Variants in CRISPLD1 observed in about 807,000 individuals in gnomAD.
The protein encoded by CRISPLD1 is cysteine rich secretory protein LCCL domain containing 1.
Under a neutral mutation model 77.5 loss-of-function variants are expected in CRISPLD1, and 60 were observed. The observed-to-expected ratio is 0.77, with a 90% CI of 0.63 to 0.96. The LOEUF is 0.96. Ranked by LOEUF, CRISPLD1 falls within the 40% of genes least tolerant of loss-of-function variation. The probability of loss-of-function intolerance (pLI) is 0.00; values close to 1 mark genes in which losing one functional copy is unlikely to be tolerated. For synonymous variants in CRISPLD1, 195 were observed against 200.1 expected, an observed-to-expected ratio of 0.97 and a Z score of 0.22; for missense variants, 623 against 615.8, an observed-to-expected ratio of 1.01 and a Z score of -0.12.
At chr8:75,025,823 A>T (rs972317368) in intron 13 of CRISPLD1, among the ~76,000 whole-genome samples, 1 of 152,078 alleles carries the variant, frequency 6.6e-6, no homozygotes, top group Non-Finnish European at 1.5e-5. Flanking sequence ...ATTTGACAAA[A>T]TTTTTCTTCA....
chr8:75,000,140 A>G (rs1812713886), intron 2 of CRISPLD1: 2 of 984,952 alleles, frequency 2.0e-6, no homozygotes, highest in South Asian at 4.7e-5. Context: ...CTCAAACAAT[A>G]CAAAGTAACC....
At chr8:74,985,873 A>G in intron 1 of CRISPLD1, 53 bp from the exon 2 acceptor site, 1 of 1,230,972 alleles carries the variant, frequency 8.1e-7, no homozygotes, top group Non-Finnish European at 1.1e-6. Context: ...GTGTTATTAG[A>G]AAATTCATAT....
At chr8:74,990,814 T>C (rs1297476477) in intron 2 of CRISPLD1, among the ~76,000 whole-genome samples, 1 of 151,894 alleles carries the variant, frequency 6.6e-6, no homozygotes, top group East Asian at 1.9e-4. Context: ...ATCGTTAACT[T>C]TTTACCATAC....
At chr8:75,004,668 C>T (rs1054006134) in intron 2 of CRISPLD1, among the ~76,000 whole-genome samples, 6 of 151,838 alleles carry the variant, frequency 4.0e-5, no homozygotes, top group Non-Finnish European at 5.9e-5. Context: ...GGGGAGGGAT[C>T]GAAATAAGAT....
chr8:75,019,734 T>A (rs952060818), intron 10 of CRISPLD1, 136 bp from the exon 11 acceptor site: 22 of 659,638 alleles, frequency 3.3e-5, no homozygotes, highest in South Asian at 1.5e-4. Context: ...TGATGTATTC[T>A]TATATTGCTA....
intron 2 of CRISPLD1, among the ~76,000 whole-genome samples, chr8:75,002,143 G>A (rs7006368): frequency 6.6e-6 from 1 of 151,748 alleles, no homozygotes; most frequent in African/African-American, 2.4e-5. Context: ...TGTAATTCAT[G>A]TTGTCTTAAA....
At position 75,019,804 on chromosome 8, in the gene CRISPLD1, C is replaced by T. The variant is rs192846152; in HGVS notation, c.1128-66C>T. 10 of 1,280,772 alleles carry T rather than the reference C, an allele frequency of 7.8e-6. No individual in the cohort carries two copies. The East Asian group carries it at 2.3e-4, about 30-fold the overall frequency. 79.3% of individuals were successfully genotyped at this position (1,280,772 alleles called of 1,614,324 possible). ...TAAGTGTTCATAGACTTGAAAGATA[C>T]CAGAAATGATGCTGCTGCTGATGCC... On this transcript the variant is annotated intron_variant, in intron 10 of 14. Transcript: ENST00000262207.
rs1046994798 is a variant in CRISPLD1 at position 75,030,820 on chromosome 8, GTA to G, written c.1451+1309_1451+1310del. On this transcript the variant is annotated intron_variant, in intron 14 of 14. Transcript: ENST00000262207. ...TGAGTATGCATATGTGTATGTGTAT[GTA>G]TATATGTGTTTCTGTGTATATATGT... Among the ~76,000 whole-genome samples the G allele has an allele frequency of 6.6e-5, 10 of 150,994 alleles. No individual in the cohort carries two copies. In the East Asian group the frequency reaches 9.7e-4, roughly 15 times the overall value.
At chr8:75,006,320 C>G (rs1443469784) in intron 2 of CRISPLD1, among the ~76,000 whole-genome samples, 1 of 152,108 alleles carries the variant, frequency 6.6e-6, no homozygotes, top group African/African-American at 2.4e-5. Context: ...CTTGGAAGTC[C>G]ATTAAGGCTA....
intron 2 of CRISPLD1, among the ~76,000 whole-genome samples, chr8:74,990,647 CA>C (rs1563606369): frequency 1.3e-5 from 2 of 151,894 alleles, no homozygotes; most frequent in African/African-American, 4.8e-5. Flanking sequence ...TATAATACTG[CA>C]CACTGCAAGT....
At chr8:74,990,000 CAGAA>C (rs2128780672) in intron 2 of CRISPLD1, among the ~76,000 whole-genome samples, 1 of 152,204 alleles carries the variant, frequency 6.6e-6, no homozygotes, top group Non-Finnish European at 1.5e-5. Flanking sequence ...CACTCAGAAA[CAGAA>C]AGTCAAATCT....
chr8:74,985,995 G>A lies in CRISPLD1; in HGVS notation c.8G>A (p.Cys3Tyr). The A allele has an allele frequency of 6.2e-7, 1 of 1,613,526 alleles. No individual in the cohort carries two copies. Among genetic ancestry groups the A allele is most frequent in the Non-Finnish European group, 8.5e-7 (1 of 1,179,532 alleles). ...ATCCTGAGGTCATTCATTATGAAGTGTACCGCGCGGGAGTGGCTCAGAGTA... is the reference window on the plus strand; with the variant it reads ...ATCCTGAGGTCATTCATTATGAAGTATACCGCGCGGGAGTGGCTCAGAGTA... MK[C>Y]TAREWLRVTT... The change falls in exon 2 of 15, where the codon TGT (cysteine) becomes TAT (tyrosine). Residue 3 changes from cysteine (C) to tyrosine (Y), a missense_variant. Cys to Tyr is a radical substitution (Grantham distance 194). Transcript: ENST00000262207.
chr8:75,025,675 T>G, intron 13 of CRISPLD1, 54 bp downstream of exon 13: 2 of 922,752 alleles, frequency 2.2e-6, no homozygotes, highest in Non-Finnish European at 3.5e-6. Context: ...TATAAATGTA[T>G]AGACACATTT....
rs1200192263 is a variant in CRISPLD1 at position 75,033,993 on chromosome 8, A to T, written c.*1751A>T. ...GGGAAGCCCGATCAGTTCTGTCAGT[A>T]TAAGGTTTTCTTCTATTTGCCCTTA... is the stretch of plus-strand genomic sequence containing the variant. On this transcript the variant is annotated 3_prime_UTR_variant, in exon 15 of 15. Coordinates refer to ENST00000262207, the MANE Select transcript of CRISPLD1 (RefSeq NM_031461.6). The T allele has an allele frequency of 6.6e-6, 1 of 152,132 alleles. No individual in the cohort carries two copies. Among genetic ancestry groups the T allele is most frequent in the African/African-American group, 2.4e-5 (1 of 41,546 alleles). 9.4% of individuals were successfully genotyped at this position (152,132 alleles called of 1,614,324 possible).
chr8:75,030,253 G>A (rs1587033924), intron 14 of CRISPLD1, among the ~76,000 whole-genome samples: 1 of 152,218 alleles, frequency 6.6e-6, no homozygotes, highest in Non-Finnish European at 1.5e-5. Flanking sequence ...ACCAAAGGAT[G>A]TGTCATACGG....
chr8:75,016,693 G>A lies in CRISPLD1; in HGVS notation c.856G>A (p.Ala286Thr), dbSNP rs1945. 8.7e-6 allele frequency: 14 copies of A among 1,611,858 alleles called. No individual in the cohort carries two copies. The highest frequency in any genetic ancestry group is 1.1e-5 in the Non-Finnish European group (13 of 1,178,864). Reference sequence around the variant, plus strand: ...TAGTAGCAGAAATGAAGTCATAAGCGCACAGCAAATGTGTAAGACCTCCAT... The same window carrying A: ...TAGTAGCAGAAATGAAGTCATAAGCACACAGCAAATGTGTAAGACCTCCAT... ...DDSSRNEVIS[A>T]QQMSQIVSCE... The change falls in exon 7 of 15, where the codon GCA (alanine) becomes ACA (threonine). Residue 286 changes from alanine to threonine, a missense_variant. Transcript: ENST00000262207.
chr8:75,017,452 T>A lies in CRISPLD1; in HGVS notation c.1127+2T>A, dbSNP rs781334099. 5 of 1,594,496 alleles carry A rather than the reference T, an allele frequency of 3.1e-6. No individual in the cohort carries two copies. The highest frequency in any genetic ancestry group is 4.3e-6 in the Non-Finnish European group (5 of 1,173,886). On this transcript the variant is annotated splice_donor_variant, in intron 10 of 14. Transcript: ENST00000262207. LOFTEE classifies it high-confidence loss of function. ...TAGAAATGGTATTCAAACAATTGGGTAAGTACCAAAATAATCTTTTGGACC... is the reference window on the plus strand; with the variant it reads ...TAGAAATGGTATTCAAACAATTGGGAAAGTACCAAAATAATCTTTTGGACC...
chr8:75,014,073 T>G lies in CRISPLD1; in HGVS notation c.597T>G (p.Ala199=). ...MNIWGQIWPK[A]VYLVCNYSPK... ...TCTGGGGGCAGATATGGCCCAAAGC[T>G]GTCTACCTGGTGTGCAATTACTCCC... Residue 199 remains alanine, a synonymous_variant, in exon 5 of 15, where the codon GCT becomes GCG. Coordinates refer to ENST00000262207, the MANE Select transcript of CRISPLD1 (RefSeq NM_031461.6). 1 of 1,612,718 alleles carries G rather than the reference T, an allele frequency of 6.2e-7. No individual in the cohort carries two copies. The highest frequency in any genetic ancestry group is 8.5e-7 in the Non-Finnish European group (1 of 1,178,946).
chr8:74,998,606 T>C (rs143683532), intron 2 of CRISPLD1, among the ~76,000 whole-genome samples: 1,825 of 144,078 alleles, frequency 0.013, 29 homozygotes, highest in African/African-American at 0.046. Context: ...GAGAATTGCT[T>C]GAACCTGGGA....
Sources: gnomAD v4.1 joint callset for allele counts (sites outside exome capture counted in the v4.1 genomes callset) on GRCh38, gnomAD v4.1.1 for gene constraint, MANE v1.5 for transcripts, NCBI Gene and HGNC (gene_info 2026-07-23, HGNC 2026-07-21) for gene names.